Variants in NUBPL observed in about 807,000 individuals in gnomAD.
NUBPL encodes iron-sulfur cluster transfer protein NUBPL.
A neutral mutation model predicts 45.7 loss-of-function variants in NUBPL; 31 were observed. That is an observed-to-expected ratio of 0.68 (90% CI 0.51 to 0.92). NUBPL has a LOEUF of 0.92. NUBPL is among the 40% of genes least tolerant of loss of function. The pLI is 0.00. For synonymous variants in NUBPL, 144 were observed against 140.9 expected (o/e 1.02, Z -0.15); for missense variants, 401 against 398.7 (o/e 1.01, Z -0.05).
At chr14:31,855,785 A>T (rs539947338) in intron 10 of NUBPL, among the ~76,000 whole-genome samples, 1 of 152,306 alleles carries the variant, frequency 6.6e-6, no homozygotes, top group Admixed American at 6.5e-5. Context: ...GACCACAAAC[A>T]TCTCTTTTTA....
intron 3 of NUBPL, among the ~76,000 whole-genome samples, chr14:31,592,316 G>T (rs773800937): frequency 3.3e-5 from 5 of 152,146 alleles, no homozygotes; most frequent in Non-Finnish European, 5.9e-5. Context: ...GGTGGGTGGG[G>T]AACTGACTGG....
chr14:31,845,161 C>G (rs1180716103), intron 8 of NUBPL: 1 of 151,910 alleles, frequency 6.6e-6, no homozygotes, highest in Non-Finnish European at 1.5e-5. Context: ...AAAAAAAATT[C>G]ACACATAAGT....
chr14:31,635,190 C>T (rs568435096), intron 4 of NUBPL, among the ~76,000 whole-genome samples: 3 of 151,604 alleles, frequency 2.0e-5, no homozygotes, highest in African/African-American at 4.9e-5. Flanking sequence ...ATGGTAATGC[C>T]TAGGTTTTCT....
rs1460468728 is a variant in NUBPL, at chr14:31,623,374, T to TGGGGGACTGTTAGGAAGGCATGATTG, written c.382+23997_382+24022dup. Among the ~76,000 whole-genome samples the TGGGGGACTGTTAGGAAGGCATGATTG allele has an allele frequency of 1.1e-4, 16 of 152,332 alleles. No homozygotes were observed. In the East Asian group the frequency reaches 2.1e-3, roughly 20 times the overall value. ...TTAATGCTGGAATGAGTTAAGACTT[T>TGGGGGACTGTTAGGAAGGCATGATTG]GGGGGACTGTTAGGAAGGCATGATT... On this transcript the variant is annotated intron_variant, in intron 4 of 10. Coordinates refer to ENST00000281081, the MANE Select transcript of NUBPL (RefSeq NM_025152.3).
At chr14:31,574,582 CTTTTTTTTT>C (rs71115022) in intron 3 of NUBPL, among the ~76,000 whole-genome samples, 2 of 66,950 alleles carry the variant, frequency 3.0e-5, no homozygotes, top group Admixed American at 2.1e-4. Flanking sequence ...TTCTTTCCTT[CTTTTTTTTT>C]TTTTTTTTTT....
At chr14:31,705,232 G>A (rs892888557) in intron 6 of NUBPL, among the ~76,000 whole-genome samples, 1 of 152,230 alleles carries the variant, frequency 6.6e-6, no homozygotes, top group African/African-American at 2.4e-5. Context: ...GAGTGAAGCT[G>A]CAGACCTTCA....
chr14:31,589,232 C>A (rs1402312006), intron 3 of NUBPL, among the ~76,000 whole-genome samples: 1 of 151,662 alleles, frequency 6.6e-6, no homozygotes, highest in Non-Finnish European at 1.5e-5. Flanking sequence ...AATTATGGTG[C>A]CTTGATAATT....
intron 6 of NUBPL, among the ~76,000 whole-genome samples, chr14:31,752,874 C>T (rs894009128): frequency 6.6e-6 from 1 of 152,180 alleles, no homozygotes; most frequent in Admixed American, 6.5e-5. Context: ...AGGAAACTTA[C>T]AATCATGGCA....
intron 4 of NUBPL, among the ~76,000 whole-genome samples, chr14:31,656,119 A>G (rs2036135148): frequency 1.3e-5 from 2 of 152,086 alleles, no homozygotes; most frequent in South Asian, 2.1e-4. Context: ...TCATGAACCA[A>G]TATCTGCTAC....
intron 3 of NUBPL, chr14:31,578,086 T>A: frequency 1.4e-6 from 1 of 719,634 alleles, no homozygotes; most frequent in Non-Finnish European, 2.1e-6. Flanking sequence ...AATGCATTAC[T>A]GGGTTTTCTA....
chr14:31,801,935 T>C (rs138706128), intron 7 of NUBPL, among the ~76,000 whole-genome samples: 137 of 152,342 alleles, frequency 9.0e-4, no homozygotes, highest in African/African-American at 3.1e-3. Flanking sequence ...CTAGTTAATA[T>C]GTTGAATATT....
chr14:31,712,690 C>G (rs1334338489), intron 6 of NUBPL, among the ~76,000 whole-genome samples: 1 of 152,226 alleles, frequency 6.6e-6, no homozygotes. Flanking sequence ...TCACCTCTCA[C>G]CAGTGTTACC....
At chr14:31,786,214 A>C (rs1198800466) in intron 6 of NUBPL, among the ~76,000 whole-genome samples, 1 of 152,216 alleles carries the variant, frequency 6.6e-6, no homozygotes, top group Admixed American at 6.5e-5. Flanking sequence ...AGGACATATT[A>C]CATGTTATTA....
At chr14:31,717,031 T>C (rs2037705596) in intron 6 of NUBPL, among the ~76,000 whole-genome samples, 1 of 152,200 alleles carries the variant, frequency 6.6e-6, no homozygotes. Flanking sequence ...CTGACTAATC[T>C]TACTAAAATT....
chr14:31,600,830 T>C (rs949560094), intron 4 of NUBPL, among the ~76,000 whole-genome samples: 3 of 151,492 alleles, frequency 2.0e-5, no homozygotes, highest in Non-Finnish European at 4.4e-5. Context: ...TCCTTGCCCA[T>C]GCCTATGTCC....
At chr14:31,744,989 A>T (rs1319160290) in intron 6 of NUBPL, among the ~76,000 whole-genome samples, 1 of 152,070 alleles carries the variant, frequency 6.6e-6, no homozygotes, top group East Asian at 1.9e-4. Flanking sequence ...ACCCTTTGTA[A>T]ATGAACTCAG....
intron 6 of NUBPL, among the ~76,000 whole-genome samples, chr14:31,720,847 A>G (rs576998837): frequency 1.1e-3 from 165 of 152,338 alleles, no homozygotes; most frequent in Non-Finnish European, 6.6e-4. Flanking sequence ...AGAAACTTCT[A>G]TTGGACAGCA....
At chr14:31,798,709 G>A (rs949365200) in intron 7 of NUBPL, among the ~76,000 whole-genome samples, 91 of 142,336 alleles carry the variant, frequency 6.4e-4, no homozygotes, top group African/African-American at 2.2e-3. Flanking sequence ...GGAGAATGGC[G>A]TGAACCTGGG....
At chr14:31,756,287 G>A (rs1049726265) in intron 6 of NUBPL, among the ~76,000 whole-genome samples, 23 of 152,064 alleles carry the variant, frequency 1.5e-4, no homozygotes, top group Non-Finnish European at 3.2e-4. Context: ...AAATTTCCTT[G>A]GGCAGTATGG....
Sources: allele counts gnomAD v4.1 joint callset (sites outside exome capture counted in the v4.1 genomes callset), GRCh38; gene constraint gnomAD v4.1.1; transcripts MANE v1.5; gene names NCBI Gene and HGNC (gene_info 2026-07-23, HGNC 2026-07-21).